Variants in TMTC2 observed in about 807,000 individuals in gnomAD.
TMTC2 encodes transmembrane O-mannosyltransferase targeting cadherins 2.
TMTC2 carries 43 observed loss-of-function variants against 82.4 expected under a neutral mutation model. The ratio of observed to expected loss-of-function variants is 0.52; its 90% CI spans 0.41 to 0.67. The LOEUF (loss-of-function observed/expected upper bound fraction) is 0.67, where lower values mean the gene tolerates loss of function less well. TMTC2 is among the 30% of genes least tolerant of loss of function. The probability of loss-of-function intolerance (pLI) is 0.00; values close to 1 mark genes in which losing one functional copy is unlikely to be tolerated. For missense variants in TMTC2, 919 were observed against 1,012.4 expected (o/e 0.91, Z 1.25); for synonymous variants, 408 against 381.9 (o/e 1.07, Z -0.80).
chr12:82,882,236 T>A (rs1872868198), intron 2 of TMTC2, among the ~76,000 whole-genome samples: 1 of 151,830 alleles, frequency 6.6e-6, no homozygotes, highest in African/African-American at 2.4e-5. Flanking sequence ...CCTGACCTCG[T>A]GATCCGCCCG....
intron 3 of TMTC2, among the ~76,000 whole-genome samples, chr12:82,916,556 C>T (rs1875010817): frequency 6.6e-6 from 1 of 152,072 alleles, no homozygotes; most frequent in South Asian, 2.1e-4. Flanking sequence ...GAGGATGGCT[C>T]ATAGTCAAAT....
chr12:82,704,442 C>T (rs546186761), intron 1 of TMTC2, among the ~76,000 whole-genome samples: 5 of 152,012 alleles, frequency 3.3e-5, no homozygotes, highest in South Asian at 4.2e-4. Flanking sequence ...GTAAATACAT[C>T]GAATGTAGCT....
intron 9 of TMTC2, among the ~76,000 whole-genome samples, chr12:83,038,324 A>G (rs1476561170): frequency 2.0e-5 from 3 of 152,132 alleles, no homozygotes; most frequent in South Asian, 2.1e-4. Context: ...AAAGTTAGGT[A>G]AACATACAAT....
chr12:82,869,195 A>G (rs538956884), intron 2 of TMTC2, among the ~76,000 whole-genome samples: 3 of 152,274 alleles, frequency 2.0e-5, no homozygotes, highest in Admixed American at 6.5e-5. Flanking sequence ...CTTTGAGTAC[A>G]CCAAACTTGG....
intron 2 of TMTC2, among the ~76,000 whole-genome samples, chr12:82,876,094 ATAATGG>A (rs1872531393): frequency 8.5e-6 from 1 of 117,178 alleles, no homozygotes; most frequent in African/African-American, 4.0e-5. Flanking sequence ...ATTAGTATTC[ATAATGG>A]TGGTGGTGGT....
In TMTC2 at chr12:82,786,322, C is replaced by T. The variant is rs567788122; in HGVS notation, c.84-70688C>T. On this transcript the variant is annotated intron_variant, in intron 1 of 11. Coordinates refer to ENST00000321196, the MANE Select transcript of TMTC2 (RefSeq NM_152588.3). ...GATAAATGATTAGTCTCCCCTCCCC[C>T]AGTTTAAATAATGGTATAAGGCAAT... is the stretch of plus-strand genomic sequence containing the variant. 5.9e-5 allele frequency among the ~76,000 whole-genome samples: 9 copies of T among 152,164 alleles called. No homozygotes were observed. The South Asian group carries it at 8.3e-4, about 14-fold the overall frequency.
intron 1 of TMTC2, among the ~76,000 whole-genome samples, chr12:82,846,128 G>A (rs900237871): frequency 1.3e-5 from 2 of 152,072 alleles, no homozygotes; most frequent in Non-Finnish European, 2.9e-5. Context: ...GGAGGCCGAG[G>A]CAGGCAGATC....
At chr12:82,899,359 A>T (rs562985196) in intron 3 of TMTC2, among the ~76,000 whole-genome samples, 2 of 151,718 alleles carry the variant, frequency 1.3e-5, no homozygotes, top group South Asian at 2.1e-4. Flanking sequence ...TTCCCTTCAC[A>T]GTTGACCTCC....
At chr12:82,913,095 C>T (rs1874788601) in intron 3 of TMTC2, among the ~76,000 whole-genome samples, 1 of 152,122 alleles carries the variant, frequency 6.6e-6, no homozygotes, top group Admixed American at 6.5e-5. Flanking sequence ...TTTCTTATCT[C>T]TAATCACAGT....
intron 1 of TMTC2, among the ~76,000 whole-genome samples, chr12:82,701,812 C>A (rs541997795): frequency 2.0e-5 from 3 of 151,382 alleles, no homozygotes; most frequent in African/African-American, 7.3e-5. Context: ...ATTAAAACAT[C>A]TTTTACATAT....
At chr12:83,028,600 C>T (rs188161097) in intron 8 of TMTC2, among the ~76,000 whole-genome samples, 1 of 152,182 alleles carries the variant, frequency 6.6e-6, no homozygotes, top group East Asian at 1.9e-4. Context: ...TCGCATTGCT[C>T]TAAAAATCAC....
chr12:83,020,299 G>A (rs182228808), intron 8 of TMTC2, among the ~76,000 whole-genome samples: 3 of 152,152 alleles, frequency 2.0e-5, no homozygotes, highest in Non-Finnish European at 4.4e-5. Context: ...AATATTCATC[G>A]GAATGAAAGG....
rs954847536 is a variant in TMTC2 at position 82,979,743 on chromosome 12, G to C, written c.1949-6182G>C. On this transcript the variant is annotated intron_variant, in intron 7 of 11. Coordinates refer to ENST00000321196, the MANE Select transcript of TMTC2 (RefSeq NM_152588.3). ...TGCTTATAAAGGTCATTTTCTTTCAGATTGAAGGACTCCCTTTAGCATTTC... is the reference window on the plus strand; with the variant it reads ...TGCTTATAAAGGTCATTTTCTTTCACATTGAAGGACTCCCTTTAGCATTTC... Among the ~76,000 whole-genome samples the C allele has an allele frequency of 3.3e-5, 5 of 151,660 alleles. No individual in the cohort carries two copies. In the East Asian group the frequency reaches 7.7e-4, roughly 23 times the overall value.
chr12:82,709,468 A>G (rs1244589283), intron 1 of TMTC2, among the ~76,000 whole-genome samples: 1 of 152,224 alleles, frequency 6.6e-6, no homozygotes, highest in Non-Finnish European at 1.5e-5. Context: ...TATGCATGTG[A>G]AATGAAATTG....
intron 3 of TMTC2, among the ~76,000 whole-genome samples, chr12:82,908,800 CTCTT>C (rs1379067788): frequency 7.2e-5 from 11 of 151,908 alleles, no homozygotes; most frequent in Admixed American, 7.2e-4. Context: ...TTATAGATGA[CTCTT>C]TTTTTTTCCT....
intron 1 of TMTC2, among the ~76,000 whole-genome samples, chr12:82,781,182 G>A (rs1274212732): frequency 6.6e-6 from 1 of 152,024 alleles, no homozygotes; most frequent in Non-Finnish European, 1.5e-5. Flanking sequence ...GGACACGAGA[G>A]TATCGTTGAT....
intron 1 of TMTC2, chr12:82,760,289 T>C (rs188664138): frequency 6.6e-6 from 1 of 152,144 alleles, no homozygotes; most frequent in East Asian, 1.9e-4. Context: ...ATCCTGGAAA[T>C]TTTTTCTGAC....
At position 82,794,710 on chromosome 12, in the gene TMTC2, G is replaced by A. The variant is rs1878635056; in HGVS notation, c.84-62300G>A. On this transcript the variant is annotated intron_variant, in intron 1 of 11. Coordinates refer to ENST00000321196, the MANE Select transcript of TMTC2 (RefSeq NM_152588.3). ...CATCTTGAAAGTATATTTATTAAGGGAATAGAGTGTGAACCCGGAGAGACA... is the reference window on the plus strand; with the variant it reads ...CATCTTGAAAGTATATTTATTAAGGAAATAGAGTGTGAACCCGGAGAGACA... Among the ~76,000 whole-genome samples, 4 of 152,232 alleles carry A rather than the reference G, an allele frequency of 2.6e-5. No individual in the cohort carries two copies. In the South Asian group the frequency reaches 8.3e-4, roughly 32 times the overall value.
intron 2 of TMTC2, among the ~76,000 whole-genome samples, chr12:82,895,058 C>G (rs1312018219): frequency 6.6e-6 from 1 of 151,148 alleles, no homozygotes; most frequent in Non-Finnish European, 1.5e-5. Flanking sequence ...CTCAAATGAT[C>G]CACCCACCTC....
Sources: allele counts gnomAD v4.1 joint callset (sites outside exome capture counted in the v4.1 genomes callset), GRCh38; gene constraint gnomAD v4.1.1; transcripts MANE v1.5; gene names NCBI Gene and HGNC (gene_info 2026-07-23, HGNC 2026-07-21).